TTLL11: variants seen among roughly 807,000 people sequenced by gnomAD.
The protein encoded by TTLL11 is tubulin tyrosine ligase like 11.
Under a neutral mutation model 51.7 loss-of-function variants are expected in TTLL11, and 42 were observed. The ratio of observed to expected loss-of-function variants is 0.81; its 90% confidence interval spans 0.64 to 1.05. The LOEUF is 1.05. TTLL11 is among the 50% of genes least tolerant of loss of function. The pLI, the probability that TTLL11 is intolerant of heterozygous loss-of-function variation, is 0.00. For missense variants in TTLL11, 799 were observed against 940.4 expected (o/e 0.85, Z 1.97); for synonymous variants, 381 against 383.5 (o/e 0.99, Z 0.08).
At chr9:121,942,738 ATTTTTT>A (rs34352222) in intron 6 of TTLL11, among the ~76,000 whole-genome samples, 89 of 97,886 alleles carry the variant, frequency 9.1e-4, no homozygotes, top group Admixed American at 3.8e-3. Context: ...AATCTGTCTT[ATTTTTT>A]TTTTTTTTTT....
intron 8 of TTLL11, among the ~76,000 whole-genome samples, chr9:121,856,019 A>G (rs899247162): frequency 6.6e-6 from 1 of 152,222 alleles, no homozygotes; most frequent in African/African-American, 2.4e-5. Context: ...TATAATGGAA[A>G]GGGCAGCAGA....
intron 1 of TTLL11, among the ~76,000 whole-genome samples, chr9:122,074,389 T>C (rs781555156): frequency 6.6e-6 from 1 of 152,230 alleles, no homozygotes; most frequent in Non-Finnish European, 1.5e-5. Context: ...GGATTATTCA[T>C]GATAACAAAT....
At chr9:121,928,430 G>C (rs925897566) in intron 6 of TTLL11, among the ~76,000 whole-genome samples, 1 of 141,604 alleles carries the variant, frequency 7.1e-6, no homozygotes. Context: ...GAGTTATTTT[G>C]TTTGTTTTGG....
At chr9:122,033,916 A>C (rs1844629064) in intron 2 of TTLL11, among the ~76,000 whole-genome samples, 1 of 152,246 alleles carries the variant, frequency 6.6e-6, no homozygotes, top group Non-Finnish European at 1.5e-5. Context: ...CTGGAAAATC[A>C]CAGCTATTTC....
At chr9:122,058,847 T>C (rs1238364121) in intron 1 of TTLL11, among the ~76,000 whole-genome samples, 1 of 152,206 alleles carries the variant, frequency 6.6e-6, no homozygotes, top group Admixed American at 6.5e-5. Context: ...AACAAACTGA[T>C]TGATGGCCCA....
At chr9:122,063,048 T>C (rs1345879467) in intron 1 of TTLL11, among the ~76,000 whole-genome samples, 1 of 152,228 alleles carries the variant, frequency 6.6e-6, no homozygotes, top group Non-Finnish European at 1.5e-5. Context: ...CCCAAATTGC[T>C]GGGATTACAA....
At chr9:122,084,961 T>C (rs142670738) in intron 1 of TTLL11, among the ~76,000 whole-genome samples, 316 of 152,294 alleles carry the variant, frequency 2.1e-3, no homozygotes, top group African/African-American at 7.4e-3. Context: ...ATAATTAACA[T>C]ACCAACGTAT....
At chr9:121,972,853 A>G (rs897916750) in intron 6 of TTLL11, among the ~76,000 whole-genome samples, 1 of 152,236 alleles carries the variant, frequency 6.6e-6, no homozygotes, top group Non-Finnish European at 1.5e-5. Flanking sequence ...CCATAGGGTG[A>G]TATTTGGGCT....
chr9:121,893,689 T>C (rs1839345356), intron 6 of TTLL11, among the ~76,000 whole-genome samples: 1 of 152,164 alleles, frequency 6.6e-6, no homozygotes, highest in African/African-American at 2.4e-5. Flanking sequence ...CTGTATCTGC[T>C]GGACCACACC....
intron 1 of TTLL11, among the ~76,000 whole-genome samples, chr9:122,078,442 G>C (rs1161506226): frequency 6.6e-6 from 1 of 152,146 alleles, no homozygotes; most frequent in Non-Finnish European, 1.5e-5. Context: ...CAAAGGGAGG[G>C]AGCATTCAGA....
intron 6 of TTLL11, among the ~76,000 whole-genome samples, chr9:121,887,083 G>A (rs1180398023): frequency 6.6e-6 from 1 of 152,164 alleles, no homozygotes; most frequent in Non-Finnish European, 1.5e-5. Context: ...CAAAACATCT[G>A]TTTCAGGAAC....
intron 3 of TTLL11, among the ~76,000 whole-genome samples, chr9:122,018,715 C>T (rs1325221982): frequency 6.6e-6 from 1 of 152,166 alleles, no homozygotes; most frequent in Non-Finnish European, 1.5e-5. Context: ...TCTGTATGCG[C>T]CAGGCCCTAA....
intron 1 of TTLL11, among the ~76,000 whole-genome samples, chr9:122,076,793 C>A (rs1415394107): frequency 2.0e-5 from 3 of 150,544 alleles, no homozygotes; most frequent in African/African-American, 7.3e-5. Flanking sequence ...GACAGTATTT[C>A]CATAATTGAT....
chr9:121,843,955 G>T (rs1288890072), intron 8 of TTLL11, among the ~76,000 whole-genome samples: 2 of 152,188 alleles, frequency 1.3e-5, no homozygotes, highest in Non-Finnish European at 2.9e-5. Context: ...ATTACTTGGT[G>T]TAAGCCATCA....
At chr9:121,879,951 C>T (rs1838718682) in intron 6 of TTLL11, among the ~76,000 whole-genome samples, 1 of 151,024 alleles carries the variant, frequency 6.6e-6, no homozygotes, top group South Asian at 2.1e-4. Context: ...GGAGATGGAG[C>T]AAGACCCTGT....
intron 4 of TTLL11, 104 bp from the exon 5 acceptor site, chr9:121,975,083 G>A: frequency 1.2e-6 from 1 of 812,516 alleles, no homozygotes; most frequent in Non-Finnish European, 1.8e-6. Flanking sequence ...CCTTGGCCTT[G>A]ACCCTGGCTT....
At chr9:122,039,792 C>A (rs1420295228) in intron 1 of TTLL11, among the ~76,000 whole-genome samples, 2 of 152,044 alleles carry the variant, frequency 1.3e-5, no homozygotes, top group East Asian at 3.9e-4. Context: ...GCCCATACAT[C>A]CCTTCCTCTG....
chr9:122,058,378 TTAATGTGA>T (rs1377454949), intron 1 of TTLL11, among the ~76,000 whole-genome samples: 2 of 152,214 alleles, frequency 1.3e-5, no homozygotes, highest in East Asian at 3.8e-4. Flanking sequence ...AAGACCAATT[TTAATGTGA>T]AACTGCTCAA....
Position 121,822,946 on chromosome 9 carries a change from C to A in TTLL11, c.1841-67G>T. Reference sequence around the variant, plus strand: ...CCTACGCTGCCCTGGGAAGGCCCACCTCCAGCCACAAGGATGTCAGCAAGA... The same window carrying A: ...CCTACGCTGCCCTGGGAAGGCCCACATCCAGCCACAAGGATGTCAGCAAGA... On this transcript the variant is annotated intron_variant, in intron 8 of 8. Coordinates refer to ENST00000321582, the MANE Select transcript of TTLL11 (RefSeq NM_001139442.2). This position sits in a 1 kb window ranked among gnomAD's most constrained non-coding sequence, Gnocchi z 5.8. The A allele has an allele frequency of 6.9e-7, 1 of 1,456,608 alleles. No homozygotes were observed. The highest frequency in any genetic ancestry group is 9.1e-7 in the Non-Finnish European group (1 of 1,097,934). The allele number at this position is 1,456,608 out of a possible 1,614,324, so 90.2% of individuals were successfully genotyped here.
Sources: gnomAD v4.1 joint callset for allele counts (sites outside exome capture counted in the v4.1 genomes callset) on GRCh38, gnomAD v4.1.1 for gene constraint, Gnocchi (gnomAD v3.1) non-coding constraint, MANE v1.5 for transcripts, NCBI Gene and HGNC (gene_info 2026-07-23, HGNC 2026-07-21) for gene names.